ADCY5: variants seen among roughly 807,000 people sequenced by gnomAD.
ADCY5 encodes adenylate cyclase type 5.
ADCY5 carries 30 observed loss-of-function variants against 119.7 expected under a neutral mutation model. The ratio of observed to expected loss-of-function variants is 0.25; its 90% CI spans 0.19 to 0.34. ADCY5 has a LOEUF of 0.34. Ranked by LOEUF, ADCY5 falls within the 10% of genes least tolerant of loss-of-function variation. The probability of loss-of-function intolerance (pLI) is 1.00; values close to 1 mark genes in which losing one functional copy is unlikely to be tolerated. For synonymous variants in ADCY5, 753 were observed against 762.2 expected (o/e 0.99, Z 0.20); for missense variants, 1,324 against 1,775.2 (o/e 0.75, Z 4.57).
At chr3:123,335,097 C>T (rs1941958623) in intron 3 of ADCY5, among the ~76,000 whole-genome samples, 1 of 152,174 alleles carries the variant, frequency 6.6e-6, no homozygotes, top group Admixed American at 6.5e-5. Context: ...ACAACCCCTG[C>T]CCTCGCCACC....
intron 1 of ADCY5, among the ~76,000 whole-genome samples, chr3:123,353,642 C>G (rs547903172): frequency 4.8e-4 from 73 of 152,302 alleles, no homozygotes; most frequent in African/African-American, 1.7e-3. Context: ...CCTCAGGAGG[C>G]CTGTGTTAGT....
intron 1 of ADCY5, among the ~76,000 whole-genome samples, chr3:123,414,657 A>G (rs894427191): frequency 2.4e-4 from 36 of 152,174 alleles, no homozygotes; most frequent in African/African-American, 8.7e-4. Flanking sequence ...GCTGGGTTCA[A>G]GCAATTCTCC....
At chr3:123,430,542 C>T (rs1417791374) in intron 1 of ADCY5, among the ~76,000 whole-genome samples, 3 of 152,208 alleles carry the variant, frequency 2.0e-5, no homozygotes, top group Admixed American at 6.5e-5. Flanking sequence ...ACACCCCGCA[C>T]GGGGAAGATG....
At chr3:123,356,479 T>C (rs1329445657) in intron 1 of ADCY5, among the ~76,000 whole-genome samples, 1 of 152,156 alleles carries the variant, frequency 6.6e-6, no homozygotes, top group South Asian at 2.1e-4. Flanking sequence ...TCTTCACTTG[T>C]ATGGCAATGA....
rs114919867 is a variant in ADCY5 at position 123,303,306 on chromosome 3, G to A, written c.2560-87C>T. Reference sequence around the variant, plus strand: ...CCAGCCCACCAGGCCGCAGGCTCCCGCCTGTCCTCCGCCTCAGGTGCAGCA... The same window carrying A: ...CCAGCCCACCAGGCCGCAGGCTCCCACCTGTCCTCCGCCTCAGGTGCAGCA... On this transcript the variant is annotated intron_variant, in intron 13 of 20. Coordinates refer to ENST00000462833, the MANE Select transcript of ADCY5 (RefSeq NM_183357.3). The A allele has an allele frequency of 4.8e-4, 672 of 1,411,108 alleles. 2 individuals are homozygous for A. In the African/African-American group the frequency reaches 8.2e-3, roughly 17 times the overall value. The allele number at this position is 1,411,108 out of a possible 1,614,324, so 87.4% of individuals were successfully genotyped here. A position where few individuals can be genotyped will look rare whatever the true frequency, so the allele number is the denominator to read the frequency against.
intron 17 of ADCY5, among the ~76,000 whole-genome samples, chr3:123,294,278 TGA>T (rs922067927): frequency 1.3e-5 from 2 of 152,120 alleles, no homozygotes; most frequent in African/African-American, 2.4e-5. Context: ...CAGCAGGCAC[TGA>T]GACAAGCAGG....
At chr3:123,444,226 A>G (rs2107655660) in intron 1 of ADCY5, among the ~76,000 whole-genome samples, 1 of 152,242 alleles carries the variant, frequency 6.6e-6, no homozygotes, top group Middle Eastern at 3.4e-3. Context: ...CAGGCAAAGG[A>G]GGAGAAAAAA....
intron 3 of ADCY5, among the ~76,000 whole-genome samples, chr3:123,336,155 G>C (rs952700766): frequency 1.3e-5 from 2 of 152,222 alleles, no homozygotes; most frequent in African/African-American, 4.8e-5. Context: ...CCCAGAGGTA[G>C]ACTATGCTGG....
At chr3:123,335,757 C>G (rs1344416678) in intron 3 of ADCY5, among the ~76,000 whole-genome samples, 1 of 152,154 alleles carries the variant, frequency 6.6e-6, no homozygotes, top group East Asian at 1.9e-4. Flanking sequence ...GTTGGGCCAC[C>G]AGGGAGTGCA....
Position 123,448,891 on chromosome 3 carries a change from T to G in ADCY5, c.-346A>C, listed in dbSNP as rs1945880572. 2 of 223,796 alleles carry G rather than the reference T, an allele frequency of 8.9e-6. No homozygotes were observed. Among genetic ancestry groups the G allele is most frequent in the East Asian group, 1.7e-4 (2 of 11,672 alleles). The allele number at this position is 223,796 out of a possible 1,614,324, so 13.9% of individuals were successfully genotyped here. Reference sequence around the variant, plus strand: ...CGTCGAGCTCGACGAGGGCCGGAGTTGCGGACGAGACGGGACGGAGTGGTG... The same window carrying G: ...CGTCGAGCTCGACGAGGGCCGGAGTGGCGGACGAGACGGGACGGAGTGGTG... On this transcript the variant is annotated 5_prime_UTR_variant, in exon 1 of 21. Coordinates refer to ENST00000462833, the MANE Select transcript of ADCY5 (RefSeq NM_183357.3).
intron 14 of ADCY5, among the ~76,000 whole-genome samples, chr3:123,301,212 T>TTTCTGAG (rs1325837431): frequency 6.6e-6 from 1 of 152,206 alleles, no homozygotes; most frequent in Non-Finnish European, 1.5e-5. Flanking sequence ...AGCACCGTTG[T>TTTCTGAG]TTCTGAGTCA....
intron 1 of ADCY5, among the ~76,000 whole-genome samples, chr3:123,406,342 C>T (rs891458969): frequency 1.3e-5 from 2 of 152,256 alleles, no homozygotes; most frequent in Admixed American, 6.5e-5. Context: ...GGCATTTCCC[C>T]GTGTGGCCCC....
At position 123,447,403 on chromosome 3, in the gene ADCY5, G is replaced by T; in HGVS notation, c.1134+9C>A. The T allele has an allele frequency of 6.5e-7, 1 of 1,546,008 alleles. No individual in the cohort carries two copies. ...GCAATCCAGTCCCGGTGGCCAGGTC[G>T]GCCCCTACCTGCTTCAGCAGGAACT... On this transcript the variant is annotated intron_variant, in intron 1 of 20. Coordinates refer to ENST00000462833, the MANE Select transcript of ADCY5 (RefSeq NM_183357.3).
intron 1 of ADCY5, among the ~76,000 whole-genome samples, chr3:123,426,792 C>A (rs1156336331): frequency 6.6e-6 from 1 of 152,052 alleles, no homozygotes; most frequent in Non-Finnish European, 1.5e-5. Flanking sequence ...GCTTGGGGTG[C>A]CCTAGACACC....
intron 1 of ADCY5, chr3:123,420,123 GC>G (rs1490371472): frequency 1.3e-5 from 2 of 152,246 alleles, no homozygotes; most frequent in Non-Finnish European, 2.9e-5. Flanking sequence ...GAGGGCCTTG[GC>G]ACTGGCTGCT....
intron 2 of ADCY5, among the ~76,000 whole-genome samples, chr3:123,351,093 G>A (rs1942819644): frequency 6.6e-6 from 1 of 152,140 alleles, no homozygotes; most frequent in African/African-American, 2.4e-5. Flanking sequence ...TGAATGGGGA[G>A]AGCCAGGCTG....
intron 1 of ADCY5, among the ~76,000 whole-genome samples, chr3:123,372,616 C>T (rs1943678254): frequency 6.6e-6 from 1 of 152,198 alleles, no homozygotes; most frequent in Admixed American, 6.5e-5. Context: ...AAGAGAAACA[C>T]ACATGCCTGC....
At chr3:123,322,608 G>A (rs1439862221) in intron 8 of ADCY5, among the ~76,000 whole-genome samples, 4 of 152,142 alleles carry the variant, frequency 2.6e-5, no homozygotes, top group South Asian at 2.1e-4. Context: ...CTAGGACAGC[G>A]GCTACTTGGC....
rs1315529579 is a variant in ADCY5, at chr3:123,358,997, G to A, written c.1135-6416C>T. On this transcript the variant is annotated intron_variant, in intron 1 of 20. Transcript: ENST00000462833. Reference sequence around the variant, plus strand: ...GGCCCACTGCAACAGGCTTGCTACTGGATAATCCTGGGAAAGGTGCAAGGC... The same window carrying A: ...GGCCCACTGCAACAGGCTTGCTACTAGATAATCCTGGGAAAGGTGCAAGGC... 3.9e-5 allele frequency among the ~76,000 whole-genome samples: 6 copies of A among 152,118 alleles called. No homozygotes were observed. In the East Asian group the frequency reaches 1.2e-3, roughly 29 times the overall value.
Sources: allele counts gnomAD v4.1 joint callset (sites outside exome capture counted in the v4.1 genomes callset), GRCh38; gene constraint gnomAD v4.1.1; transcripts MANE v1.5; gene names NCBI Gene and HGNC (gene_info 2026-07-23, HGNC 2026-07-21).